Variants in SYT1 observed in about 807,000 individuals in gnomAD.
The protein encoded by SYT1 is synaptotagmin-1.
SYT1 carries 8 observed loss-of-function variants against 44.8 expected under a neutral mutation model. That is an observed-to-expected ratio of 0.18 (90% CI 0.10 to 0.32). The LOEUF (loss-of-function observed/expected upper bound fraction) is 0.32, where lower values mean the gene tolerates loss of function less well. Ranked by LOEUF, SYT1 falls within the 10% of genes least tolerant of loss-of-function variation. The pLI is 1.00. For missense variants in SYT1, 286 were observed against 509.3 expected (o/e 0.56, Z 4.22); for synonymous variants, 154 against 188.8 (o/e 0.82, Z 1.51).
intron 3 of SYT1, among the ~76,000 whole-genome samples, chr12:79,145,982 C>G (rs1396607669): frequency 1.3e-5 from 2 of 152,064 alleles, no homozygotes; most frequent in African/African-American, 4.8e-5. Flanking sequence ...TGGTCTCGAT[C>G]TCCTGACCTC....
chr12:79,339,511 G>A (rs575866443), intron 8 of SYT1, among the ~76,000 whole-genome samples: 3 of 152,120 alleles, frequency 2.0e-5, no homozygotes, highest in Admixed American at 1.3e-4. Flanking sequence ...ACGTTTTGAT[G>A]GGGTCGTTTG....
chr12:79,128,678 A>C (rs1198330558), intron 3 of SYT1, among the ~76,000 whole-genome samples: 1 of 152,242 alleles, frequency 6.6e-6, no homozygotes, highest in Admixed American at 6.5e-5. Context: ...ATAAAAACCC[A>C]TTACTGAGTT....
At chr12:78,922,790 G>T (rs926099285) in intron 1 of SYT1, among the ~76,000 whole-genome samples, 1 of 151,942 alleles carries the variant, frequency 6.6e-6, no homozygotes, top group Non-Finnish European at 1.5e-5. Context: ...GAATTATAAA[G>T]GAGTGTTCTT....
At chr12:79,000,553 C>G (rs1870675038) in intron 2 of SYT1, among the ~76,000 whole-genome samples, 2 of 152,108 alleles carry the variant, frequency 1.3e-5, no homozygotes, top group African/African-American at 4.8e-5. Flanking sequence ...CCCACCTCAG[C>G]CTTCCAAAGT....
At chr12:79,397,353 C>G (rs1368113899) in intron 9 of SYT1, among the ~76,000 whole-genome samples, 2 of 152,114 alleles carry the variant, frequency 1.3e-5, no homozygotes, top group Non-Finnish European at 2.9e-5. Context: ...CCTCAGCCTT[C>G]CGAATAGCTG....
intron 3 of SYT1, among the ~76,000 whole-genome samples, chr12:79,169,913 C>T (rs182905621): frequency 1.8e-4 from 27 of 152,078 alleles, no homozygotes; most frequent in Non-Finnish European, 2.9e-4. Context: ...GTGTCCTCAT[C>T]GTTTAGCCCC....
chr12:79,099,661 G>GT (rs199537163), intron 3 of SYT1, among the ~76,000 whole-genome samples: 18,386 of 141,132 alleles, frequency 0.13, 1,206 homozygotes, highest in African/African-American at 0.16. Context: ...AAAAGAATGA[G>GT]TTTTTTTTTT....
intron 4 of SYT1, among the ~76,000 whole-genome samples, chr12:79,225,692 C>A (rs776998083): frequency 6.6e-6 from 1 of 152,230 alleles, no homozygotes; most frequent in Non-Finnish European, 1.5e-5. Flanking sequence ...TTAACACCAT[C>A]TTCCTCTCTG....
At chr12:79,300,503 A>G (rs1880085124) in intron 8 of SYT1, among the ~76,000 whole-genome samples, 1 of 151,912 alleles carries the variant, frequency 6.6e-6, no homozygotes, top group Non-Finnish European at 1.5e-5. Flanking sequence ...CAAGTCCATC[A>G]CCTGGGAATC....
chr12:79,138,918 A>G (rs1320480822), intron 3 of SYT1, among the ~76,000 whole-genome samples: 2 of 152,234 alleles, frequency 1.3e-5, no homozygotes, highest in African/African-American at 4.8e-5. Context: ...AGGTGAAATA[A>G]AAATTTAGGC....
intron 1 of SYT1, among the ~76,000 whole-genome samples, chr12:78,941,069 T>C (rs1430909383): frequency 1.5e-5 from 2 of 134,506 alleles, no homozygotes; most frequent in Admixed American, 7.5e-5. Flanking sequence ...TTTTTTCTTT[T>C]TTTTTTTTTT....
At chr12:78,889,094 T>C (rs12300106) in intron 1 of SYT1, among the ~76,000 whole-genome samples, 8,257 of 151,882 alleles carry the variant, frequency 0.054, 783 homozygotes, top group African/African-American at 0.19. Flanking sequence ...AAATCAAGAC[T>C]TATTTGAGAA....
intron 4 of SYT1, among the ~76,000 whole-genome samples, chr12:79,272,790 A>G (rs147102904): frequency 8.3e-4 from 127 of 152,298 alleles, no homozygotes; most frequent in African/African-American, 2.8e-3. Context: ...AGGAGAGGGG[A>G]AAAATGTAGA....
intron 2 of SYT1, among the ~76,000 whole-genome samples, chr12:78,988,960 C>T (rs1592637704): frequency 6.6e-6 from 1 of 152,050 alleles, no homozygotes; most frequent in African/African-American, 2.4e-5. Context: ...TATGGCTGTA[C>T]ACTACTGAGA....
intron 3 of SYT1, among the ~76,000 whole-genome samples, chr12:79,051,315 A>AAT (rs1211908782): frequency 4.0e-5 from 6 of 149,880 alleles, no homozygotes; most frequent in South Asian, 2.1e-4. Context: ...TTTATAAATA[A>AAT]ATATATATAT....
chr12:79,096,731 T>C (rs989118510), intron 3 of SYT1, among the ~76,000 whole-genome samples: 1 of 151,978 alleles, frequency 6.6e-6, no homozygotes, highest in Non-Finnish European at 1.5e-5. Context: ...TCAGGGTAGA[T>C]ACTGGTGGGG....
chr12:79,285,505 G>A (rs1879265336), intron 4 of SYT1, among the ~76,000 whole-genome samples: 1 of 152,188 alleles, frequency 6.6e-6, no homozygotes, highest in Non-Finnish European at 1.5e-5. Context: ...CTCTGAATGA[G>A]TGAAGAGATG....
intron 4 of SYT1, among the ~76,000 whole-genome samples, chr12:79,229,847 A>T (rs1875759335): frequency 6.6e-6 from 1 of 152,168 alleles, no homozygotes; most frequent in African/African-American, 2.4e-5. Context: ...CACCCGCCTC[A>T]GCCTCCCAAA....
intron 3 of SYT1, among the ~76,000 whole-genome samples, chr12:79,091,751 C>G (rs1271442754): frequency 1.3e-5 from 2 of 152,004 alleles, no homozygotes; most frequent in East Asian, 3.9e-4. Context: ...AAAAAATGAA[C>G]AGAGCTAGAA....
Sources: gnomAD v4.1 joint callset for allele counts (sites outside exome capture counted in the v4.1 genomes callset) on GRCh38, gnomAD v4.1.1 for gene constraint, MANE v1.5 for transcripts, NCBI Gene and HGNC (gene_info 2026-07-23, HGNC 2026-07-21) for gene names.